The following TBL1XR1 variants were observed in gnomAD, a reference collection of about 807,000 sequenced individuals.
TBL1XR1 encodes the protein F-box-like/WD repeat-containing protein TBL1XR1.
TBL1XR1 carries 5 observed loss-of-function variants against 66.9 expected under a neutral mutation model. That is an observed-to-expected ratio of 0.07 (90% CI 0.04 to 0.16). The LOEUF is 0.16. Among genes scored for constraint, TBL1XR1 ranks in the 10% least tolerant of loss-of-function variants. TBL1XR1 has a pLI of 1.00. For missense variants in TBL1XR1, 238 were observed against 623.2 expected (o/e 0.38, Z 6.58); for synonymous variants, 210 against 206.0 (o/e 1.02, Z -0.17).
chr3:177,122,884 A>G (rs1727148877), intron 1 of TBL1XR1, among the ~76,000 whole-genome samples: 1 of 152,170 alleles, frequency 6.6e-6, no homozygotes, highest in South Asian at 2.1e-4. Context: ...GGCTTATTAC[A>G]GTTGAATGTG....
At chr3:177,091,350 C>T (rs1722823279) in intron 2 of TBL1XR1, among the ~76,000 whole-genome samples, 1 of 151,866 alleles carries the variant, frequency 6.6e-6, no homozygotes, top group African/African-American at 2.4e-5. Flanking sequence ...GTCATTTATA[C>T]TCTACTTTTG....
At chr3:177,074,589 A>T (rs1175136627) in intron 2 of TBL1XR1, among the ~76,000 whole-genome samples, 1 of 152,142 alleles carries the variant, frequency 6.6e-6, no homozygotes, top group Non-Finnish European at 1.5e-5. Flanking sequence ...CGTGAGCCTG[A>T]AATCTGATCC....
intron 1 of TBL1XR1, among the ~76,000 whole-genome samples, chr3:177,173,985 A>G (rs1201995052): frequency 6.6e-6 from 1 of 152,224 alleles, no homozygotes; most frequent in Non-Finnish European, 1.5e-5. Context: ...TGTTGTCAAA[A>G]TATATGAAAA....
At chr3:177,069,686 C>T (rs1480766850) in intron 2 of TBL1XR1, among the ~76,000 whole-genome samples, 1 of 151,496 alleles carries the variant, frequency 6.6e-6, no homozygotes, top group African/African-American at 2.4e-5. Context: ...TTACAGTGAG[C>T]CGAGATCGCA....
chr3:177,118,734 T>C (rs749066074), intron 1 of TBL1XR1, among the ~76,000 whole-genome samples: 62 of 152,210 alleles, frequency 4.1e-4, no homozygotes, highest in Non-Finnish European at 7.9e-4. Context: ...CTGAAGTTTG[T>C]ATTTTAATGG....
chr3:177,065,495 A>C (rs1477944665), intron 2 of TBL1XR1, among the ~76,000 whole-genome samples: 2 of 152,198 alleles, frequency 1.3e-5, no homozygotes, highest in African/African-American at 4.8e-5. Context: ...CAGGATATGA[A>C]GTCTCTATTT....
intron 1 of TBL1XR1, among the ~76,000 whole-genome samples, chr3:177,181,286 C>G (rs1025553839): frequency 2.0e-5 from 3 of 151,972 alleles, no homozygotes; most frequent in Admixed American, 6.6e-5. Flanking sequence ...TCCAGACCAG[C>G]CTGGCCAACA....
intron 1 of TBL1XR1, among the ~76,000 whole-genome samples, chr3:177,145,142 C>A (rs527678842): frequency 6.6e-6 from 1 of 152,274 alleles, no homozygotes; most frequent in Non-Finnish European, 1.5e-5. Context: ...CTGCAGGAAC[C>A]TTGGAAAGTC....
chr3:177,198,680 G>C (rs1737236864), upstream of TBL1XR1, among the ~76,000 whole-genome samples: 1 of 152,146 alleles, frequency 6.6e-6, no homozygotes, highest in African/African-American at 2.4e-5. Context: ...TTTACATTAA[G>C]ATACGACTTG....
chr3:177,073,999 T>G (rs1439273775), intron 2 of TBL1XR1, among the ~76,000 whole-genome samples: 1 of 152,218 alleles, frequency 6.6e-6, no homozygotes, highest in East Asian at 1.9e-4. Flanking sequence ...GGGGTAGCGT[T>G]CTTTACCACA....
At chr3:177,056,619 TG>T (rs1300523412) in intron 3 of TBL1XR1, among the ~76,000 whole-genome samples, 1 of 152,232 alleles carries the variant, frequency 6.6e-6, no homozygotes, top group African/African-American at 2.4e-5. Context: ...TTTCTAGCCA[TG>T]GCATTACATA....
chr3:177,065,917 C>A (rs116699200), intron 2 of TBL1XR1, among the ~76,000 whole-genome samples: 3,750 of 152,146 alleles, frequency 0.025, 68 homozygotes, highest in South Asian at 0.034. Context: ...ATCATTGTAT[C>A]ATAAAGTATT....
upstream of TBL1XR1, among the ~76,000 whole-genome samples, chr3:177,198,956 G>A (rs1737266731): frequency 1.3e-5 from 2 of 151,806 alleles, no homozygotes; most frequent in East Asian, 3.9e-4. Flanking sequence ...AATAAGTTCA[G>A]TAATTAGACA....
At chr3:177,190,133 CAAAAAAAAAAAAAAAA>C (rs548783302) in intron 1 of TBL1XR1, among the ~76,000 whole-genome samples, 14 of 69,408 alleles carry the variant, frequency 2.0e-4, no homozygotes, top group Admixed American at 2.0e-4. Context: ...AACTCCATCT[CAAAAAAAAAAAAAAAA>C]AAAAAAAAAA....
intron 1 of TBL1XR1, among the ~76,000 whole-genome samples, chr3:177,156,437 T>C (rs930535796): frequency 1.3e-5 from 2 of 150,696 alleles, no homozygotes; most frequent in African/African-American, 4.9e-5. Context: ...AGGCAGAGGT[T>C]GCAGTGAGCC....
chr3:177,189,892 A>G (rs1735916974), intron 1 of TBL1XR1, among the ~76,000 whole-genome samples: 1 of 152,126 alleles, frequency 6.6e-6, no homozygotes, highest in African/African-American at 2.4e-5. Context: ...AGAATGCTGT[A>G]AAACAGTGAG....
intron 2 of TBL1XR1, among the ~76,000 whole-genome samples, chr3:177,080,306 G>A (rs189902888): frequency 3.3e-5 from 5 of 152,136 alleles, no homozygotes; most frequent in East Asian, 1.9e-4. Context: ...ATTATGGCCC[G>A]AAAAGACCTA....
intron 2 of TBL1XR1, 42 bp downstream of exon 2, chr3:177,098,424 A>T: frequency 1.0e-6 from 1 of 957,584 alleles, no homozygotes; most frequent in Non-Finnish European, 1.2e-6. Flanking sequence ...TCTAAAAACA[A>T]GAGAATAAGA....
chr3:177,079,377 G>A (rs1435722946), intron 2 of TBL1XR1: 1 of 150,342 alleles, frequency 6.7e-6, no homozygotes, highest in Non-Finnish European at 1.5e-5. Context: ...AGCTTGCAGT[G>A]AGCCAAGATC....
Sources: allele counts gnomAD v4.1 joint callset (sites outside exome capture counted in the v4.1 genomes callset), GRCh38; gene constraint gnomAD v4.1.1; transcripts MANE v1.5; gene names NCBI Gene and HGNC (gene_info 2026-07-23, HGNC 2026-07-21).